The following PCDHA8 variants were observed in gnomAD, a reference collection of about 807,000 sequenced individuals.
The protein encoded by PCDHA8 is protocadherin alpha-8.
In PCDHA8, 53 loss-of-function variants were observed where a neutral mutation model predicts 61.8. The observed-to-expected ratio is 0.86, with a 90% CI of 0.69 to 1.08. The LOEUF is 1.08. Ranked by LOEUF, PCDHA8 falls within the 50% of genes least tolerant of loss-of-function variation. The pLI, the probability that PCDHA8 is intolerant of heterozygous loss-of-function variation, is 0.00. For missense variants in PCDHA8, 1,293 were observed against 1,245.0 expected (o/e 1.04, Z -0.58); for synonymous variants, 618 against 556.6 (o/e 1.11, Z -1.55).
At chr5:140,955,692 T>A (rs1021752704) in intron 1 of PCDHA8, among the ~76,000 whole-genome samples, 1 of 152,196 alleles carries the variant, frequency 6.6e-6, no homozygotes, top group African/African-American at 2.4e-5. Context: ...CTGTGATGAA[T>A]GTCAATGGAA....
chr5:140,882,985 C>T (rs1554176359), intron 1 of PCDHA8: 14 of 1,614,110 alleles, frequency 8.7e-6, no homozygotes, highest in Non-Finnish European at 1.1e-5. Flanking sequence ...ATGACAACGC[C>T]CCGGAATTTT....
In PCDHA8 at chr5:140,858,166, C is replaced by T. The variant is rs781812057; in HGVS notation, c.2394+14451C>T. 1.9e-6 allele frequency: 3 copies of T among 1,597,908 alleles called. 1 individual carries two copies. The South Asian group carries it at 3.3e-5, about 18-fold the overall frequency. On this transcript the variant is annotated intron_variant, in intron 1 of 3. Transcript: ENST00000531613. ...TGATCATCGCCATCTGCGCGGTGTC[C>T]AGCTTGCTGGTGCTCACGCTGCTGC...
At chr5:141,001,455 G>T (rs2098019131) in intron 3 of PCDHA8, among the ~76,000 whole-genome samples, 1 of 152,210 alleles carries the variant, frequency 6.6e-6, no homozygotes, top group Non-Finnish European at 1.5e-5. Flanking sequence ...ACTGTCAATT[G>T]AAGGACTAAG....
Position 140,853,795 on chromosome 5 carries a change from T to C in PCDHA8, c.2394+10080T>C. On this transcript the variant is annotated intron_variant, in intron 1 of 3. Coordinates refer to ENST00000531613, the MANE Select transcript of PCDHA8 (RefSeq NM_018911.3). ...AATGGGTAGTAAGAGCAAATTTTCA[T>C]TTTAAAGCACACCTGAGATGATTCT... is the stretch of plus-strand genomic sequence containing the variant. 3 of 987,582 alleles carry C rather than the reference T, an allele frequency of 3.0e-6. 1 individual carries two copies. The highest frequency in any genetic ancestry group is 3.7e-6 in the Non-Finnish European group (3 of 819,504). The allele number at this position is 987,582 out of a possible 1,614,324, so 61.2% of individuals were successfully genotyped here.
chr5:140,913,462 G>A (rs1300773586), intron 1 of PCDHA8, among the ~76,000 whole-genome samples: 1 of 151,764 alleles, frequency 6.6e-6, no homozygotes, highest in African/African-American at 2.4e-5. Context: ...TTATTTACTT[G>A]GGTCTTCTCT....
intron 1 of PCDHA8, among the ~76,000 whole-genome samples, chr5:140,946,530 C>T (rs2093957873): frequency 6.6e-6 from 1 of 150,514 alleles, no homozygotes; most frequent in African/African-American, 2.5e-5. Context: ...CTCCCATGTT[C>T]ATTGCAGCAT....
intron 1 of PCDHA8, chr5:140,877,121 C>T (rs782727100): frequency 6.2e-7 from 1 of 1,613,694 alleles, no homozygotes; most frequent in Non-Finnish European, 8.5e-7. Context: ...AGCAACGTGA[C>T]GCTGCAGGTG....
chr5:140,928,835 C>G (rs782027566), intron 1 of PCDHA8: 1 of 1,614,036 alleles, frequency 6.2e-7, no homozygotes, highest in African/African-American at 1.3e-5. Context: ...CCACTTTCCT[C>G]CTCTGTCACT....
At chr5:140,849,641 C>T (rs2150443548) in intron 1 of PCDHA8, 8 of 1,598,742 alleles carry the variant, frequency 5.0e-6, no homozygotes, top group East Asian at 2.2e-5. Flanking sequence ...CAGATGCCAA[C>T]GGGCAGGTTA....
At chr5:140,909,632 A>G (rs781948813) in intron 1 of PCDHA8, among the ~76,000 whole-genome samples, 3 of 152,038 alleles carry the variant, frequency 2.0e-5, no homozygotes, top group South Asian at 2.1e-4. Flanking sequence ...TGGTCTTCCT[A>G]TTTTGTCTTT....
intron 1 of PCDHA8, among the ~76,000 whole-genome samples, chr5:140,886,185 G>A (rs2060887176): frequency 6.6e-6 from 1 of 152,072 alleles, no homozygotes; most frequent in African/African-American, 2.4e-5. Context: ...CCTAATGCTG[G>A]CAAGCAGTAA....
At chr5:140,977,588 A>G (rs1237547807) in intron 1 of PCDHA8, among the ~76,000 whole-genome samples, 1 of 152,182 alleles carries the variant, frequency 6.6e-6, no homozygotes, top group Non-Finnish European at 1.5e-5. Context: ...GAGAGCAGTT[A>G]GCATGTGAGG....
chr5:140,928,642 G>C, intron 1 of PCDHA8: 1 of 1,614,232 alleles, frequency 6.2e-7, no homozygotes, highest in African/African-American at 1.3e-5. Flanking sequence ...CACAAAAGTG[G>C]TAGCAGAGGA....
chr5:140,968,357 C>A (rs1554230636), intron 1 of PCDHA8: 2 of 1,614,080 alleles, frequency 1.2e-6, no homozygotes, highest in Non-Finnish European at 1.7e-6. Flanking sequence ...CAGTGGCAGC[C>A]TTTATGCTGT....
At chr5:140,858,726 C>T (rs115774489) in intron 1 of PCDHA8, 5,491 of 481,664 alleles carry the variant, frequency 0.011, 341 homozygotes, top group Non-Finnish European at 0.014. Flanking sequence ...GCAGTTCTGA[C>T]GATTTACTTT....
chr5:140,994,786 T>C (rs1219918332), intron 3 of PCDHA8, among the ~76,000 whole-genome samples: 4 of 152,086 alleles, frequency 2.6e-5, no homozygotes, highest in Non-Finnish European at 5.9e-5. Context: ...AAGGAAACAA[T>C]GCGTGCATGC....
intron 1 of PCDHA8, among the ~76,000 whole-genome samples, chr5:140,965,126 A>C (rs540121719): frequency 7.9e-5 from 12 of 152,372 alleles, no homozygotes; most frequent in African/African-American, 2.6e-4. Flanking sequence ...GAAGATCTAC[A>C]GATGACAGAA....
chr5:140,926,424 G>A (rs894649962), intron 1 of PCDHA8: 2 of 153,468 alleles, frequency 1.3e-5, no homozygotes, highest in African/African-American at 4.8e-5. Context: ...AGAGGATGTG[G>A]AGGTTAAGAT....
Position 140,841,297 on chromosome 5 carries a change from T to A in PCDHA8, c.-25T>A, listed in dbSNP as rs2150312765. 6.4e-7 allele frequency: 1 copy of A among 1,566,194 alleles called. No homozygotes were observed. Among genetic ancestry groups the A allele is most frequent in the South Asian group, 1.2e-5 (1 of 83,666 alleles). Reference sequence around the variant, plus strand: ...TTCATCTTTATATTAAGATAATATTTTCTGATAGGAAACGACTATTTAACA... The same window carrying A: ...TTCATCTTTATATTAAGATAATATTATCTGATAGGAAACGACTATTTAACA... On this transcript the variant is annotated 5_prime_UTR_variant, in exon 1 of 4. Transcript: ENST00000531613.
Sources: allele counts gnomAD v4.1 joint callset (sites outside exome capture counted in the v4.1 genomes callset), GRCh38; gene constraint gnomAD v4.1.1; transcripts MANE v1.5; gene names NCBI Gene and HGNC (gene_info 2026-07-23, HGNC 2026-07-21).